DST: variants seen among roughly 807,000 people sequenced by gnomAD.
The protein encoded by DST is bullous pemphigoid antigen.
DST carries 253 observed loss-of-function variants against 875.2 expected under a neutral mutation model. The observed-to-expected ratio is 0.29, with a 90% CI of 0.26 to 0.32. The LOEUF (loss-of-function observed/expected upper bound fraction) is 0.32. Ranked by LOEUF, DST falls within the 10% of genes least tolerant of loss-of-function variation. The pLI, the probability that DST is intolerant of heterozygous loss-of-function variation, is 1.00. For synonymous variants in DST, 3,124 were observed against 3,197.1 expected (o/e 0.98, Z 0.77); for missense variants, 8,287 against 9,111.6 (o/e 0.91, Z 3.68).
At chr6:56,619,978 GAGAC>G in intron 36 of DST, 4 of 1,613,956 alleles carry the variant, frequency 2.5e-6, no homozygotes, top group Non-Finnish European at 1.7e-6. Context: ...GTTCTTGCTG[GAGAC>G]CCGTTACTGC....
intron 2 of DST, among the ~76,000 whole-genome samples, chr6:56,938,233 A>T (rs1308966824): frequency 6.6e-6 from 1 of 152,002 alleles, no homozygotes; most frequent in African/African-American, 2.4e-5. Flanking sequence ...TCCTGGGCTC[A>T]AGTGATCCTC....
rs2152898616 is a variant in DST, at chr6:56,714,046, TGAG to T, written c.688-9680_688-9678del. ...TATTTTTAAAGACACCCCCAGATGA[TGAG>T]ATACCACTGCCACTGCTACAATCCG... On this transcript the variant is annotated intron_variant, in intron 5 of 103. Transcript: ENST00000680361. This position sits in a 1 kb window ranked among gnomAD's most constrained non-coding sequence, Gnocchi z 4.5. Among the ~76,000 whole-genome samples the T allele has an allele frequency of 6.6e-6, 1 of 151,836 alleles. No individual in the cohort carries two copies. The highest frequency in any genetic ancestry group is 2.1e-4 in the South Asian group (1 of 4,790).
chr6:56,750,013 C>G (rs898981647), intron 4 of DST, among the ~76,000 whole-genome samples: 2 of 152,306 alleles, frequency 1.3e-5, no homozygotes, highest in Admixed American at 6.5e-5. Context: ...GCTACCACCA[C>G]CATCGCTGCA....
Position 56,606,864 on chromosome 6 carries a change from A to T in DST, c.7764T>A (p.Ser2588Arg). ...CATTCAGCAGTGACGTTTCATAGTC[A>T]CTAGCACTGATGGTTTCATCAAGCA... Reference protein sequence around the residue: ...TPLLDETISASDYETSLLNDQ... With the variant: ...TPLLDETISARDYETSLLNDQ... The change falls in exon 40 of 104, where the codon AGT becomes AGA. Residue 2588 changes from serine to arginine, a missense_variant. Coordinates refer to ENST00000680361, the MANE Select transcript of DST (RefSeq NM_001374736.1). The T allele has an allele frequency of 6.2e-7, 1 of 1,613,342 alleles. No individual in the cohort carries two copies. The highest frequency in any genetic ancestry group is 8.5e-7 in the Non-Finnish European group (1 of 1,179,572).
chr6:56,941,059 CCTT>C (rs1166007727), intron 2 of DST, among the ~76,000 whole-genome samples: 1 of 151,974 alleles, frequency 6.6e-6, no homozygotes, highest in Non-Finnish European at 1.5e-5. Flanking sequence ...TTTATTATGT[CCTT>C]CTTTCTACTT....
intron 5 of DST, among the ~76,000 whole-genome samples, chr6:56,722,892 T>C (rs2099428196): frequency 6.6e-6 from 1 of 152,256 alleles, no homozygotes; most frequent in Admixed American, 6.5e-5. Flanking sequence ...TGTATAGCTC[T>C]GATTACATGG....
At chr6:56,645,715 GAA>G (rs2098938525) in intron 15 of DST, 149 bp downstream of exon 15, 6 of 890,734 alleles carry the variant, frequency 6.7e-6, no homozygotes, top group Non-Finnish European at 8.5e-6. Flanking sequence ...AAATCTCTTA[GAA>G]GAGTTTCTAG....
chr6:56,727,038 A>G (rs1384461000), intron 5 of DST, among the ~76,000 whole-genome samples: 2 of 152,208 alleles, frequency 1.3e-5, no homozygotes, highest in African/African-American at 4.8e-5. Flanking sequence ...TCACTAAGCT[A>G]AAGGGAAAAG....
chr6:56,925,164 G>C (rs1417411917), intron 2 of DST, among the ~76,000 whole-genome samples: 1 of 152,154 alleles, frequency 6.6e-6, no homozygotes, highest in Non-Finnish European at 1.5e-5. Flanking sequence ...AGGAGGAAGA[G>C]GATCAGGACA....
intron 48 of DST, among the ~76,000 whole-genome samples, chr6:56,592,899 A>C (rs2098304806): frequency 6.6e-6 from 1 of 152,108 alleles, no homozygotes; most frequent in South Asian, 2.1e-4. Flanking sequence ...TTCAAAAAAA[A>C]CCTTTTACTT....
chr6:56,463,162 T>C lies in DST; in HGVS notation c.22960-6A>G, dbSNP rs2094420502. ...CGTGTTAAAGGATGGAGAATCTGTA[T>C]GGAACAATGGCAAATCAAATGAAAA... On this transcript the variant is annotated splice_polypyrimidine_tract_variant and splice_region_variant and intron_variant, in intron 101 of 103. Coordinates refer to ENST00000680361, the MANE Select transcript of DST (RefSeq NM_001374736.1). 3 of 1,541,712 alleles carry C rather than the reference T, an allele frequency of 1.9e-6. No homozygotes were observed. Among genetic ancestry groups the C allele is most frequent in the Non-Finnish European group, 2.7e-6 (3 of 1,114,780 alleles).
intron 36 of DST, chr6:56,614,893 T>TG (rs2098597404): frequency 2.0e-6 from 2 of 992,226 alleles, no homozygotes; most frequent in Non-Finnish European, 2.4e-6. Context: ...GTAAGGAAAA[T>TG]ACACAGAATG....
At chr6:56,809,860 C>G (rs1038258197) in intron 4 of DST, among the ~76,000 whole-genome samples, 9 of 152,136 alleles carry the variant, frequency 5.9e-5, no homozygotes, top group Admixed American at 4.6e-4. Flanking sequence ...ATTATATGAA[C>G]AACTTAAATT....
intron 23 of DST, 35 bp from the exon 24 acceptor site, chr6:56,635,749 T>G (rs2098818157): frequency 6.2e-7 from 1 of 1,610,706 alleles, no homozygotes; most frequent in African/African-American, 1.3e-5. Flanking sequence ...TTAAAGTATG[T>G]TAAATACCAG....
At chr6:56,571,692 T>C (rs966299248) in intron 53 of DST, among the ~76,000 whole-genome samples, 1 of 152,202 alleles carries the variant, frequency 6.6e-6, no homozygotes, top group African/African-American at 2.4e-5. Context: ...AAAGGCCATA[T>C]TGAAATTGCA....
In DST at chr6:56,607,393, C is replaced by T. The variant is rs2098507922; in HGVS notation, c.7235G>A (p.Gly2412Asp). ...ATCTTCATTCTCTGTTTCATTCACACCACAGAATTTACTCATTTTTGATTT... is the reference window on the plus strand; with the variant it reads ...ATCTTCATTCTCTGTTTCATTCACATCACAGAATTTACTCATTTTTGATTT... ...IMKSKMSKFCGVNETENEDNT... is the reference protein window; with the variant it reads ...IMKSKMSKFCDVNETENEDNT... Residue 2412 changes from glycine to aspartate, a missense_variant, in exon 40 of 104, where the codon GGT becomes GAT. This residue lies in a region of DST where 3,138 missense variants were observed against 3,116.6 expected (regional missense o/e 1.01). Transcript: ENST00000680361. The T allele has an allele frequency of 6.2e-7, 1 of 1,612,562 alleles. No homozygotes were observed. The highest frequency in any genetic ancestry group is 8.5e-7 in the Non-Finnish European group (1 of 1,179,456).
Position 56,473,944 on chromosome 6 carries a change from T to C in DST, c.21923A>G (p.Tyr7308Cys), listed in dbSNP as rs772263281. 2.5e-6 allele frequency: 4 copies of C among 1,588,522 alleles called. No individual in the cohort carries two copies. Among genetic ancestry groups the C allele is most frequent in the Non-Finnish European group, 3.4e-6 (4 of 1,165,312 alleles). ...QPDVDKVTKT[Y>C]KRRAADPSSL... ...GGAAGGATCAGCAGCTCTCCTCTTA[T>C]AGGTCTTCGTTACTTTATCAACATC... is the stretch of plus-strand genomic sequence containing the variant. Residue 7308 changes from tyrosine (Y) to cysteine (C), a missense_variant, in exon 93 of 104, where the codon TAT (tyrosine) becomes TGT (cysteine). By Grantham distance (194) the Tyr-to-Cys change is radical. This residue lies in a region of DST where 1,292 missense variants were observed against 1,552.7 expected (regional missense o/e 0.83). Coordinates refer to ENST00000680361, the MANE Select transcript of DST (RefSeq NM_001374736.1).
intron 4 of DST, chr6:56,843,430 G>C (rs1428492047): frequency 1.9e-6 from 2 of 1,051,056 alleles, no homozygotes; most frequent in Non-Finnish European, 1.1e-6. Context: ...ATCTCAGCGA[G>C]CCCAGGGGCG....
chr6:56,476,018 T>C, intron 92 of DST, 131 bp downstream of exon 92: 1 of 787,580 alleles, frequency 1.3e-6, no homozygotes, highest in East Asian at 2.9e-5. Context: ...GGAAACACAG[T>C]TGTAAGGAGC....
Sources: allele counts gnomAD v4.1 joint callset (sites outside exome capture counted in the v4.1 genomes callset), GRCh38; gene constraint gnomAD v4.1.1; regional missense constraint gnomAD v4.1.1; non-coding constraint Gnocchi (gnomAD v3.1); transcripts MANE v1.5; gene names NCBI Gene and HGNC (gene_info 2026-07-23, HGNC 2026-07-21).